THAP3: variants seen among roughly 807,000 people sequenced by gnomAD.
The protein encoded by THAP3 is THAP domain containing 3.
In THAP3, 12 loss-of-function variants were observed where a neutral mutation model predicts 17.7. That is an observed-to-expected ratio of 0.68 (90% CI 0.43 to 1.10). The LOEUF (loss-of-function observed/expected upper bound fraction) is 1.10. Ranked by LOEUF, THAP3 falls within the 50% of genes least tolerant of loss-of-function variation. THAP3 has a pLI of 0.00. For synonymous variants in THAP3, 133 were observed against 126.9 expected (o/e 1.05, Z -0.32); for missense variants, 289 against 318.0 (o/e 0.91, Z 0.69).
In THAP3 at chr1:6,633,197, T is replaced by C. The variant is rs953356307; in HGVS notation, c.*120T>C. 4 of 1,463,860 alleles carry C rather than the reference T, an allele frequency of 2.7e-6. No individual in the cohort carries two copies. The African/African-American group carries it at 4.3e-5, about 16-fold the overall frequency. The allele number at this position is 1,463,860 out of a possible 1,614,324, so 90.7% of individuals were successfully genotyped here. A position where few individuals can be genotyped will look rare whatever the true frequency, so the allele number is the denominator to read the frequency against. ...TGAGAAAGTTGGCCATGAGGCCTGC[T>C]TGGCCGGGGATCGAGACAGTAGCCA... On this transcript the variant is annotated 3_prime_UTR_variant, in exon 6 of 6. Transcript: ENST00000054650.
At chr1:6,625,089 C>T (rs890268443) in intron 1 of THAP3, 61 bp from the exon 2 acceptor site, 2 of 1,048,436 alleles carry the variant, frequency 1.9e-6, no homozygotes, top group Non-Finnish European at 2.7e-6. Flanking sequence ...GCAGGATGAG[C>T]GCGCCCTGGA....
Position 6,633,550 on chromosome 1 carries a change from GTGTC to G in THAP3, c.*475_*478del. 1 of 1,086,642 alleles carries G rather than the reference GTGTC, an allele frequency of 9.2e-7. No individual in the cohort carries two copies. Among genetic ancestry groups the G allele is most frequent in the Non-Finnish European group, 1.1e-6 (1 of 891,326 alleles). The allele number at this position is 1,086,642 out of a possible 1,614,324, so 67.3% of individuals were successfully genotyped here. A position where few individuals can be genotyped will look rare whatever the true frequency, so the allele number is the denominator to read the frequency against. On this transcript the variant is annotated 3_prime_UTR_variant, in exon 6 of 6. Coordinates refer to ENST00000054650, the MANE Select transcript of THAP3 (RefSeq NM_001195753.2). Reference sequence around the variant, plus strand: ...TGGTGTGAGTGGGCAGTGTAATAAAGTGTCTTTCTATACGGTGTCGCTCCCATCA... The same window carrying G: ...TGGTGTGAGTGGGCAGTGTAATAAAGTTTCTATACGGTGTCGCTCCCATCA...
At chr1:6,625,446 C>T (rs1053793562) in intron 2 of THAP3, among the ~76,000 whole-genome samples, 154 bp downstream of exon 2, 2 of 151,768 alleles carry the variant, frequency 1.3e-5, no homozygotes, top group Admixed American at 6.6e-5. Context: ...GCTGGCGCCG[C>T]CGCGCCCGCC....
intron 1 of THAP3, 73 bp from the exon 2 acceptor site, chr1:6,625,077 T>A: frequency 1.1e-6 from 1 of 915,188 alleles, no homozygotes; most frequent in Non-Finnish European, 1.6e-6. Context: ...GTGGCTGGGA[T>A]GGCAGGATGA....
In THAP3 at chr1:6,624,905, T is replaced by TTG. The variant is rs1299147172; in HGVS notation, c.-118_-117dup. Reference sequence around the variant, plus strand: ...GCCTGTGAGTGGCTATGCGTCCTGGTTGGGTGCTCAAAGCAAGGAGGTGAA... The same window carrying TTG: ...GCCTGTGAGTGGCTATGCGTCCTGGTTGTGGGTGCTCAAAGCAAGGAGGTGAA... On this transcript the variant is annotated 5_prime_UTR_variant, in exon 1 of 6. The change abolishes the stop of an existing upstream ORF in the 5' untranslated region. Transcript: ENST00000054650. The TTG allele has an allele frequency of 5.0e-6, 2 of 401,130 alleles. No individual in the cohort carries two copies. Among genetic ancestry groups the TTG allele is most frequent in the Non-Finnish European group, 9.1e-6 (2 of 220,152 alleles). The allele number at this position is 401,130 out of a possible 1,614,324, so 24.8% of individuals were successfully genotyped here.
At chr1:6,634,386 C>T (rs1280865884), downstream of THAP3, 59 of 1,195,436 alleles carry the variant, frequency 4.9e-5, no homozygotes, top group South Asian at 6.0e-5. Flanking sequence ...TTGGACAACC[C>T]GAACTGCTTT....
chr1:6,634,279 C>T, downstream of THAP3: 1 of 877,998 alleles, frequency 1.1e-6, no homozygotes, highest in Non-Finnish European at 1.7e-6. Flanking sequence ...CACGGGAAGC[C>T]CGGGGCCCAG....
At position 6,632,848 on chromosome 1, in the gene THAP3, C is replaced by A. The variant is rs1219519809; in HGVS notation, c.491C>A (p.Pro164His). The A allele has an allele frequency of 1.2e-6, 2 of 1,612,964 alleles. No individual in the cohort carries two copies. The highest frequency in any genetic ancestry group is 1.1e-5 in the South Asian group (1 of 91,088). Residue 164 changes from proline to histidine, a missense_variant, in exon 6 of 6, where the codon CCT (proline) becomes CAT (histidine). Physicochemically the swap from Pro to His is moderately conservative, Grantham distance 77 (BLOSUM62 -2). Transcript: ENST00000054650. ...GAGGCTGTTGGCCGGCCGACTGGCCCTGCAGGCCTGAGAAGGACCCCCAAC... is the reference window on the plus strand; with the variant it reads ...GAGGCTGTTGGCCGGCCGACTGGCCATGCAGGCCTGAGAAGGACCCCCAAC... The part of the protein sequence containing the change: ...ATEAVGRPTG[P>H]AGLRRTPNKQ...
chr1:6,625,365 C>T (rs1641436832), intron 2 of THAP3, 73 bp downstream of exon 2: 1 of 1,403,054 alleles, frequency 7.1e-7, no homozygotes, highest in Non-Finnish European at 9.3e-7. Flanking sequence ...GGCCTTGGCG[C>T]GCCGGGCGGG....
rs1570252584 is a variant in THAP3, at chr1:6,633,385, C to T, written c.*308C>T. 8.1e-6 allele frequency: 10 copies of T among 1,236,004 alleles called. No homozygotes were observed. The highest frequency in any genetic ancestry group is 5.5e-5 in the South Asian group (3 of 54,178). The allele number at this position is 1,236,004 out of a possible 1,614,324, so 76.6% of individuals were successfully genotyped here. The stretch of plus-strand genomic sequence containing the variant: ...CTTTCAGCACACGCAGAGCAAAGAT[C>T]GTTGGAAGCCCCAGTGTGGGAGATG... On this transcript the variant is annotated 3_prime_UTR_variant, in exon 6 of 6. Transcript: ENST00000054650.
At chr1:6,633,944 C>CTAA, downstream of THAP3, 2 of 1,350,900 alleles carry the variant, frequency 1.5e-6, no homozygotes, top group East Asian at 2.3e-5. Context: ...CCTATTTTGT[C>CTAA]TAATTTATAG....
At position 6,633,491 on chromosome 1, in the gene THAP3, C is replaced by T. The variant is rs1317241806; in HGVS notation, c.*414C>T. The T allele has an allele frequency of 8.9e-7, 1 of 1,121,600 alleles. No homozygotes were observed. Among genetic ancestry groups the T allele is most frequent in the Non-Finnish European group, 1.1e-6 (1 of 911,660 alleles). 69.5% of individuals were successfully genotyped at this position (1,121,600 alleles called of 1,614,324 possible). On this transcript the variant is annotated 3_prime_UTR_variant, in exon 6 of 6. Coordinates refer to ENST00000054650, the MANE Select transcript of THAP3 (RefSeq NM_001195753.2). ...CCTCCTCCATCAGCCTGGACAGCCGCTCGGGGTTCTAAGGAGTGACTCCTG... is the reference window on the plus strand; with the variant it reads ...CCTCCTCCATCAGCCTGGACAGCCGTTCGGGGTTCTAAGGAGTGACTCCTG...
At position 6,633,427 on chromosome 1, in the gene THAP3, C is replaced by G. The variant is rs780511686; in HGVS notation, c.*350C>G. On this transcript the variant is annotated 3_prime_UTR_variant, in exon 6 of 6. Transcript: ENST00000054650. ...TGGGAGATGCTCCTCAGGGAGGAAG[C>G]CATGTGAGGGGGCTGGCTCTGTGGC... 167 of 1,178,296 alleles carry G rather than the reference C, an allele frequency of 1.4e-4. No individual in the cohort carries two copies. Among genetic ancestry groups the G allele is most frequent in the Non-Finnish European group, 1.7e-4 (163 of 944,742 alleles). 73.0% of individuals were successfully genotyped at this position (1,178,296 alleles called of 1,614,324 possible).
intron 5 of THAP3, 72 bp downstream of exon 5, chr1:6,632,567 G>T (rs760593039): frequency 2.1e-5 from 33 of 1,599,358 alleles, no homozygotes; most frequent in Non-Finnish European, 2.7e-5. Context: ...GGAAACCAGT[G>T]AGCACCCACC....
downstream of THAP3, chr1:6,634,776 C>T: frequency 7.6e-7 from 1 of 1,323,056 alleles, no homozygotes; most frequent in South Asian, 1.2e-5. Flanking sequence ...CGGGGAGCTG[C>T]AGTGCCACCT....
rs764806526 is a variant in THAP3, at chr1:6,632,411, C to T, written c.354C>T (p.Ala118=). The stretch of plus-strand genomic sequence containing the variant: ...CCCAGGTCCTCCCTGAGGCGGGGGC[C>T]GGAGAGGACAGTCCTGGGAGAAACA... ...QKEKVLPEAG[A]GEDSPGRNMD... The change falls in exon 5 of 6, where the codon GCC becomes GCT. Residue 118 remains alanine (A), a synonymous_variant. Transcript: ENST00000054650. 5.6e-6 allele frequency: 9 copies of T among 1,613,660 alleles called. No homozygotes were observed. Among genetic ancestry groups the T allele is most frequent in the African/African-American group, 1.3e-5 (1 of 74,912 alleles).
intron 5 of THAP3, 113 bp from the exon 6 acceptor site, chr1:6,632,683 C>A (rs777203095): frequency 1.4e-6 from 2 of 1,462,534 alleles, no homozygotes; most frequent in East Asian, 2.3e-5. Context: ...GGGAGCAGCC[C>A]GGAGTGTCTA....
At chr1:6,627,773 C>T (rs1156968311) in intron 2 of THAP3, 1 of 152,298 alleles carries the variant, frequency 6.6e-6, no homozygotes, top group Non-Finnish European at 1.5e-5. Context: ...GCAAACCTTA[C>T]TGCATGGCTT....
chr1:6,632,656 G>A (rs1478488437), intron 5 of THAP3, 140 bp from the exon 6 acceptor site: 3 of 1,431,108 alleles, frequency 2.1e-6, no homozygotes, highest in African/African-American at 2.8e-5. Flanking sequence ...CATGGTGTGG[G>A]CACATCTGGA....
Sources: allele counts gnomAD v4.1 joint callset (sites outside exome capture counted in the v4.1 genomes callset), GRCh38; gene constraint gnomAD v4.1.1; transcripts MANE v1.5; gene names NCBI Gene and HGNC (gene_info 2026-07-23, HGNC 2026-07-21).